Variants in CPB2 observed in about 807,000 individuals in gnomAD.
CPB2 encodes carboxypeptidase B2, also known as carboxypeptidase B-like protein.
A neutral mutation model predicts 57.0 loss-of-function variants in CPB2; 54 were observed. The ratio of observed to expected loss-of-function variants is 0.95; its 90% confidence interval spans 0.76 to 1.19. CPB2 has a LOEUF of 1.19. Among genes scored for constraint, CPB2 ranks in the 50% most tolerant of loss-of-function variants. The probability of loss-of-function intolerance (pLI) is 0.00; values close to 1 mark genes in which losing one functional copy is unlikely to be tolerated. For missense variants in CPB2, 426 were observed against 512.0 expected (o/e 0.83, Z 1.62); for synonymous variants, 189 against 178.1 (o/e 1.06, Z -0.49).
chr13:46,070,772 A>G (rs1025641781), intron 6 of CPB2, among the ~76,000 whole-genome samples: 8 of 152,244 alleles, frequency 5.3e-5, no homozygotes, highest in African/African-American at 1.9e-4. Context: ...CTATATATGT[A>G]TGTATAGTTT....
chr13:46,064,011 A>T (rs1475868688), intron 8 of CPB2, among the ~76,000 whole-genome samples: 1 of 152,062 alleles, frequency 6.6e-6, no homozygotes, highest in African/African-American at 2.4e-5. Context: ...CCTGTGAGCC[A>T]CTTTGGGAGG....
In CPB2 at chr13:46,053,811, G is replaced by GA; in HGVS notation, c.1088-14dup. 6.2e-7 allele frequency: 1 copy of GA among 1,604,938 alleles called. No individual in the cohort carries two copies. The highest frequency in any genetic ancestry group is 8.5e-7 in the Non-Finnish European group (1 of 1,173,950). ...CCAGGAGCTAGGTCTAAAAGAAGAA[G>GA]AAAGAAATTGTTGAAATACAGACGT... On this transcript the variant is annotated splice_polypyrimidine_tract_variant and intron_variant, in intron 10 of 10. Coordinates refer to ENST00000181383, the MANE Select transcript of CPB2 (RefSeq NM_001872.5).
intron 1 of CPB2, among the ~76,000 whole-genome samples, chr13:46,095,619 C>T (rs1383629266): frequency 2.6e-5 from 4 of 152,224 alleles, no homozygotes; most frequent in African/African-American, 7.2e-5. Flanking sequence ...GAACAGTTAA[C>T]ATCCACTTGG....
chr13:46,085,526 C>T (rs1335736670), intron 2 of CPB2, among the ~76,000 whole-genome samples: 1 of 152,174 alleles, frequency 6.6e-6, no homozygotes, highest in African/African-American at 2.4e-5. Flanking sequence ...CCCATTCTTG[C>T]CAGACTGAGA....
intron 5 of CPB2, among the ~76,000 whole-genome samples, chr13:46,075,935 A>C (rs1566406412): frequency 6.6e-6 from 1 of 152,340 alleles, no homozygotes; most frequent in East Asian, 1.9e-4. Context: ...TCAAGAGAGA[A>C]GACATCCAAT....
At chr13:46,098,793 G>C (rs2045398867) in intron 1 of CPB2, 1 of 152,226 alleles carries the variant, frequency 6.6e-6, no homozygotes, top group Non-Finnish European at 1.5e-5. Flanking sequence ...TGAGGCCATA[G>C]TTGTGATTAC....
At chr13:46,097,959 G>A (rs1473335251) in intron 1 of CPB2, among the ~76,000 whole-genome samples, 3 of 152,192 alleles carry the variant, frequency 2.0e-5, no homozygotes, top group Non-Finnish European at 4.4e-5. Flanking sequence ...TCCTCATGCT[G>A]ATTGATTATC....
At chr13:46,073,768 T>C in intron 6 of CPB2, 105 bp downstream of exon 6, 1 of 663,822 alleles carries the variant, frequency 1.5e-6, no homozygotes, top group Non-Finnish European at 2.3e-6. Flanking sequence ...AGCTTCATGA[T>C]GTGACCTAGG....
chr13:46,053,382 G>A lies in CPB2; in HGVS notation c.*232C>T, dbSNP rs116007016. On this transcript the variant is annotated 3_prime_UTR_variant, in exon 11 of 11. Coordinates refer to ENST00000181383, the MANE Select transcript of CPB2 (RefSeq NM_001872.5). The stretch of plus-strand genomic sequence containing the variant: ...GGCTAGTCAAACGTCGAAAATCAAA[G>A]AAAAAGTAGGTAACTAGACTTTTAC... The A allele has an allele frequency of 4.0e-4, 192 of 478,448 alleles. No homozygotes were observed. The highest frequency in any genetic ancestry group is 3.5e-3 in the African/African-American group (180 of 51,006). 29.6% of individuals were successfully genotyped at this position (478,448 alleles called of 1,614,324 possible).
At chr13:46,067,933 A>T (rs953505044) in intron 6 of CPB2, among the ~76,000 whole-genome samples, 2 of 152,200 alleles carry the variant, frequency 1.3e-5, no homozygotes, top group African/African-American at 4.8e-5. Flanking sequence ...AGCTTTTCCT[A>T]GGAACTGGCT....
At chr13:46,090,477 C>T (rs936460639) in intron 1 of CPB2, among the ~76,000 whole-genome samples, 1 of 151,264 alleles carries the variant, frequency 6.6e-6, no homozygotes, top group African/African-American at 2.4e-5. Context: ...ATTCTCCTGA[C>T]TCGGCCTCCT....
chr13:46,099,182 G>A (rs2181617), intron 1 of CPB2: 85,617 of 151,920 alleles, frequency 0.56, 24,891 homozygotes, highest in East Asian at 0.81. Context: ...AACATCATAA[G>A]TGCAGGTGCA....
At chr13:46,074,002 G>A in intron 5 of CPB2, 25 bp from the exon 6 acceptor site, 1 of 1,382,624 alleles carries the variant, frequency 7.2e-7, no homozygotes, top group Non-Finnish European at 1.0e-6. Flanking sequence ...CCCAAAAGTA[G>A]CAAAAACAGT....
At chr13:46,094,710 C>G (rs1029931936) in intron 1 of CPB2, 4 of 152,112 alleles carry the variant, frequency 2.6e-5, no homozygotes, top group Non-Finnish European at 5.9e-5. Flanking sequence ...TAGGAGAACA[C>G]AGAGTTCTTA....
At chr13:46,071,027 G>GA (rs2044933644) in intron 6 of CPB2, among the ~76,000 whole-genome samples, 1 of 152,170 alleles carries the variant, frequency 6.6e-6, no homozygotes, top group African/African-American at 2.4e-5. Context: ...GTTGGAAAGG[G>GA]AAAAGCAGCA....
chr13:46,055,559 C>T (rs2044685867), intron 10 of CPB2, among the ~76,000 whole-genome samples: 1 of 152,114 alleles, frequency 6.6e-6, no homozygotes. Flanking sequence ...AGGATTTTGG[C>T]TTCTTTTTAG....
intron 1 of CPB2, among the ~76,000 whole-genome samples, chr13:46,104,224 G>A (rs2045467987): frequency 1.3e-5 from 2 of 152,142 alleles, no homozygotes; most frequent in South Asian, 2.1e-4. Context: ...AGGAGAAAGC[G>A]ATCATAGAAC....
intron 8 of CPB2, among the ~76,000 whole-genome samples, chr13:46,060,817 T>C (rs1397577199): frequency 6.6e-6 from 1 of 152,142 alleles, no homozygotes; most frequent in African/African-American, 2.4e-5. Flanking sequence ...GACTCTGCTT[T>C]ACCATTAAGC....
intron 1 of CPB2, among the ~76,000 whole-genome samples, chr13:46,095,546 G>T (rs373651213): frequency 2.6e-5 from 4 of 152,180 alleles, no homozygotes; most frequent in East Asian, 3.9e-4. Context: ...CTTTGCCGGG[G>T]TAGAGTCTCA....
Sources: gnomAD v4.1 joint callset for allele counts (sites outside exome capture counted in the v4.1 genomes callset) on GRCh38, gnomAD v4.1.1 for gene constraint, MANE v1.5 for transcripts, NCBI Gene and HGNC (gene_info 2026-07-23, HGNC 2026-07-21) for gene names.